TEKT4: variants seen among roughly 807,000 people sequenced by gnomAD.
TEKT4 encodes the protein tektin-4.
In TEKT4, 46 loss-of-function variants were observed where a neutral mutation model predicts 46.0. The ratio of observed to expected loss-of-function variants is 1.00; its 90% CI spans 0.79 to 1.28. The LOEUF (loss-of-function observed/expected upper bound fraction) is 1.28. Among genes scored for constraint, TEKT4 ranks in the 50% most tolerant of loss-of-function variants. The probability of loss-of-function intolerance (pLI) is 0.00; values close to 1 mark genes in which losing one functional copy is unlikely to be tolerated. For missense variants in TEKT4, 790 were observed against 622.9 expected (o/e 1.27, Z -2.85); for synonymous variants, 325 against 265.8 (o/e 1.22, Z -2.17).
rs201384541 is a variant in TEKT4 at position 94,875,651 on chromosome 2, A to G, written c.1000A>G (p.Lys334Glu). 4 of 1,614,054 alleles carry G rather than the reference A, an allele frequency of 2.5e-6. No individual in the cohort carries two copies. Among genetic ancestry groups the G allele is most frequent in the Non-Finnish European group, 3.4e-6 (4 of 1,180,018 alleles). The stretch of plus-strand genomic sequence containing the variant: ...GGCACTGAAGCAGGCCATCAAGGAC[A>G]AAGAGGCACCTCTGCACGTAGCCCA... ...VAALKQAIKDKEAPLHVAQTR... is the reference protein window; with the variant it reads ...VAALKQAIKDEEAPLHVAQTR... The change falls in exon 5 of 6, where the codon AAA (lysine) becomes GAA (glutamate). Residue 334 changes from lysine to glutamate, a missense_variant. Physicochemically the swap from Lys to Glu is moderately conservative, Grantham distance 56. Coordinates refer to ENST00000295201, the MANE Select transcript of TEKT4 (RefSeq NM_144705.4).
At chr2:94,874,689 G>T (rs1391234263) in intron 3 of TEKT4, 87 bp from the exon 4 acceptor site, 5 of 1,211,612 alleles carry the variant, frequency 4.1e-6, no homozygotes, top group Admixed American at 2.5e-5. Context: ...GGAGCATGGG[G>T]CGCGGACAGG....
At chr2:94,874,197 C>T (rs1258016447) in intron 3 of TEKT4, 89 bp downstream of exon 3, 2 of 1,488,056 alleles carry the variant, frequency 1.3e-6, no homozygotes, top group Non-Finnish European at 1.8e-6. Flanking sequence ...TTTCACCAGC[C>T]TGGCCCGGAG....
rs781990314 is a variant in TEKT4, at chr2:94,871,978, A to G, written c.399A>G (p.Thr133=). The change falls in exon 1 of 6, where the codon ACA becomes ACG. Residue 133 remains threonine, a synonymous_variant. Coordinates refer to ENST00000295201, the MANE Select transcript of TEKT4 (RefSeq NM_144705.4). ...GGCTGGAGCGCGCCCTGGACGCCAC[A>G]GAGGTGCCCTTCTCCATCACCACTG... The part of the protein sequence containing the change: ...KQRLERALDA[T]EVPFSITTDN... The G allele has an allele frequency of 6.2e-7, 1 of 1,600,760 alleles. No homozygotes were observed.
At chr2:94,874,606 G>A (rs1380977724) in intron 3 of TEKT4, among the ~76,000 whole-genome samples, 170 bp from the exon 4 acceptor site, 16 of 151,950 alleles carry the variant, frequency 1.1e-4, no homozygotes, top group East Asian at 3.9e-4. Flanking sequence ...GGGGGCACTC[G>A]GGGGCAGGGA....
chr2:94,875,681 C>T lies in TEKT4; in HGVS notation c.1030C>T (p.Arg344Trp), dbSNP rs779338960. The change falls in exon 5 of 6, where the codon CGG becomes TGG. Residue 344 changes from arginine to tryptophan, a missense_variant. Physicochemically the swap from Arg to Trp is moderately radical, Grantham distance 101. Transcript: ENST00000295201. ...GGCACCTCTGCACGTAGCCCAGACC[C>T]GGCTGTACCTGCGCTCGCACCGGCC... is the stretch of plus-strand genomic sequence containing the variant. ...KEAPLHVAQT[R>W]LYLRSHRPNM... 6.3e-5 allele frequency: 102 copies of T among 1,614,064 alleles called. No individual in the cohort carries two copies. Among genetic ancestry groups the T allele is most frequent in the Non-Finnish European group, 7.8e-5 (92 of 1,180,022 alleles).
At chr2:94,873,101 G>A in intron 1 of TEKT4, 1 of 1,242,700 alleles carries the variant, frequency 8.0e-7, no homozygotes. Context: ...TTCTTGGTGT[G>A]AAGATGGCCT....
In TEKT4 at chr2:94,872,133, C is replaced by CA. The variant is rs1428453362; in HGVS notation, c.498+56_498+57insA. The CA allele has an allele frequency of 3.4e-5, 50 of 1,476,036 alleles. No individual in the cohort carries two copies. The Admixed American group carries it at 8.2e-4, about 24-fold the overall frequency. 91.4% of individuals were successfully genotyped at this position (1,476,036 alleles called of 1,614,324 possible). On this transcript the variant is annotated intron_variant, in intron 1 of 5. Coordinates refer to ENST00000295201, the MANE Select transcript of TEKT4 (RefSeq NM_144705.4). ...TGGGCGCAGAGAGGAGGAGCCCCCCCCCCCGCAGTTCATGTGGACAAGCCA... is the reference window on the plus strand; with the variant it reads ...TGGGCGCAGAGAGGAGGAGCCCCCCCACCCCGCAGTTCATGTGGACAAGCCA...
intron 3 of TEKT4, among the ~76,000 whole-genome samples, 169 bp downstream of exon 3, chr2:94,874,277 A>G (rs1212969366): frequency 6.6e-6 from 1 of 152,170 alleles, no homozygotes; most frequent in East Asian, 1.9e-4. Flanking sequence ...GACCTCCTCA[A>G]ATGTCCAGCG....
rs1558607835 is a variant in TEKT4 at position 94,874,861 on chromosome 2, CG to C, written c.802del (p.Val268CysfsTer21). 2.5e-6 allele frequency: 4 copies of C among 1,608,392 alleles called. No homozygotes were observed. The Admixed American group carries it at 6.7e-5, about 27-fold the overall frequency. ...CGAGCGCCTGGCCTCGGCCAACCTGCGGGTGCTGGTGGACTGCATCCTTCGC... is the reference window on the plus strand; with the variant it reads ...CGAGCGCCTGGCCTCGGCCAACCTGCGGTGCTGGTGGACTGCATCCTTCGC... ...QRERLASANL[R>X]VLVDCILRDT... On this transcript the variant is annotated frameshift_variant, in exon 4 of 6. Coordinates refer to ENST00000295201, the MANE Select transcript of TEKT4 (RefSeq NM_144705.4). LOFTEE classifies it high-confidence loss of function.
intron 4 of TEKT4, among the ~76,000 whole-genome samples, chr2:94,875,242 G>A (rs1331508317): frequency 6.6e-6 from 1 of 152,200 alleles, no homozygotes; most frequent in Non-Finnish European, 1.5e-5. Flanking sequence ...GACCGCCCGG[G>A]AGGTCCCCAA....
rs145638530 is a variant in TEKT4, at chr2:94,871,965, C to T, written c.386C>T (p.Ala129Val). The change falls in exon 1 of 6, where the codon GCC becomes GTC. Residue 129 changes from alanine to valine, a missense_variant. Coordinates refer to ENST00000295201, the MANE Select transcript of TEKT4 (RefSeq NM_144705.4). ...GCCCAGAAGCAACGGCTGGAGCGCG[C>T]CCTGGACGCCACAGAGGTGCCCTTC... ...LLAQKQRLERALDATEVPFSI... is the reference protein window; with the variant it reads ...LLAQKQRLERVLDATEVPFSI... The T allele has an allele frequency of 5.0e-4, 794 of 1,600,338 alleles. 1 individual carries two copies. Among genetic ancestry groups the T allele is most frequent in the Non-Finnish European group, 5.5e-4 (645 of 1,176,214 alleles).
At position 94,872,062 on chromosome 2, in the gene TEKT4, A is replaced by G. The variant is rs1573179699; in HGVS notation, c.483A>G (p.Glu161=). 6.5e-7 allele frequency: 1 copy of G among 1,546,428 alleles called. No individual in the cohort carries two copies. Residue 161 remains glutamate, a synonymous_variant, in exon 1 of 6, where the codon GAA becomes GAG. Coordinates refer to ENST00000295201, the MANE Select transcript of TEKT4 (RefSeq NM_144705.4). ...CCAACCTCGTGCGCGACCATGTGGA[A>G]ACGGAGCTGCTGAAGGTGCCAGCAC... The part of the protein sequence containing the change: ...EHPNLVRDHV[E]TELLKEAELI...
chr2:94,876,097 C>G (rs10191151), intron 5 of TEKT4, among the ~76,000 whole-genome samples: 70,076 of 152,128 alleles, frequency 0.46, 17,743 homozygotes, highest in African/African-American at 0.66. Flanking sequence ...CTGCCCTGAG[C>G]GTGCTGTCCA....
At position 94,874,845 on chromosome 2, in the gene TEKT4, G is replaced by A; in HGVS notation, c.783G>A (p.Leu261=). ...TGTGCCGTGCCCAGCGCGAGCGCCT[G>A]GCCTCGGCCAACCTGCGGGTGCTGG... The part of the protein sequence containing the change: ...DNLCRAQRER[L]ASANLRVLVD... The change falls in exon 4 of 6, where the codon CTG becomes CTA. Residue 261 remains leucine, a synonymous_variant. Transcript: ENST00000295201. 2 of 1,607,664 alleles carry A rather than the reference G, an allele frequency of 1.2e-6. No individual in the cohort carries two copies. The highest frequency in any genetic ancestry group is 1.7e-6 in the Non-Finnish European group (2 of 1,177,924).
intron 1 of TEKT4, chr2:94,872,750 A>G: frequency 8.3e-7 from 1 of 1,198,476 alleles, no homozygotes. Context: ...CCCCAAGCTC[A>G]GGCAAGAACC....
Position 94,874,970 on chromosome 2 carries a change from G to A in TEKT4, c.908G>A (p.Arg303Gln), listed in dbSNP as rs141655128. 1.4e-4 allele frequency: 229 copies of A among 1,608,630 alleles called. No homozygotes were observed. The highest frequency in any genetic ancestry group is 3.1e-4 in the South Asian group (28 of 90,040). Residue 303 changes from arginine (R) to glutamine (Q), a missense_variant, in exon 4 of 6, where the codon CGG becomes CAG. Coordinates refer to ENST00000295201, the MANE Select transcript of TEKT4 (RefSeq NM_144705.4). The part of the protein sequence containing the change: ...GRRCEELEDA[R>Q]YKLHHHLHKT... ...CGCTGTGAGGAGCTGGAGGACGCGC[G>A]GTACAAGCTGCATCACCACCTGCAC...
rs1296169845 is a variant in TEKT4, at chr2:94,873,303, G to A, written c.499-217G>A. The A allele has an allele frequency of 1.1e-5, 15 of 1,409,976 alleles. No individual in the cohort carries two copies. The African/African-American group carries it at 1.6e-4, about 15-fold the overall frequency. 87.3% of individuals were successfully genotyped at this position (1,409,976 alleles called of 1,614,324 possible). On this transcript the variant is annotated intron_variant, in intron 1 of 5. Transcript: ENST00000295201. ...GGACCTTCCCAGCAGCCCACAGAAG[G>A]CCCTGGAGGAAAACACCCCACTTAC...
chr2:94,872,261 A>T (rs112151143), intron 1 of TEKT4, 184 bp downstream of exon 1: 1 of 707,672 alleles, frequency 1.4e-6, no homozygotes, highest in Non-Finnish European at 2.3e-6. Flanking sequence ...GCCCCAGAAG[A>T]CCCCTGACTT....
At position 94,871,997 on chromosome 2, in the gene TEKT4, A is replaced by G. The variant is rs1553394741; in HGVS notation, c.418A>G (p.Thr140Ala). Reference sequence around the variant, plus strand: ...CGCCACAGAGGTGCCCTTCTCCATCACCACTGACAACCTGCAGTGCCGTGA... The same window carrying G: ...CGCCACAGAGGTGCCCTTCTCCATCGCCACTGACAACCTGCAGTGCCGTGA... ...LDATEVPFSITTDNLQCRERR... is the reference protein window; with the variant it reads ...LDATEVPFSIATDNLQCRERR... The change falls in exon 1 of 6, where the codon ACC (threonine) becomes GCC (alanine). Residue 140 changes from threonine (T) to alanine (A), a missense_variant. Physicochemically the swap from Thr to Ala is moderately conservative, Grantham distance 58 (BLOSUM62 0). Coordinates refer to ENST00000295201, the MANE Select transcript of TEKT4 (RefSeq NM_144705.4). 1 of 1,597,604 alleles carries G rather than the reference A, an allele frequency of 6.3e-7. No homozygotes were observed. Among genetic ancestry groups the G allele is most frequent in the East Asian group, 2.3e-5 (1 of 44,202 alleles).
Sources: allele counts gnomAD v4.1 joint callset (sites outside exome capture counted in the v4.1 genomes callset), GRCh38; gene constraint gnomAD v4.1.1; transcripts MANE v1.5; gene names NCBI Gene and HGNC (gene_info 2026-07-23, HGNC 2026-07-21).